Variants in ADAM22 observed in about 807,000 individuals in gnomAD.
ADAM22 encodes the protein disintegrin and metalloproteinase domain-containing protein 22.
In ADAM22, 65 loss-of-function variants were observed where a neutral mutation model predicts 144.6. That is an observed-to-expected ratio of 0.45 (90% CI 0.37 to 0.55). The LOEUF is 0.55. Among genes scored for constraint, ADAM22 ranks in the 20% least tolerant of loss-of-function variants. ADAM22 has a pLI of 0.00. For missense variants in ADAM22, 974 were observed against 1,184.9 expected, an observed-to-expected ratio of 0.82 and a Z score of 2.61; for synonymous variants, 391 against 412.6, an observed-to-expected ratio of 0.95 and a Z score of 0.63.
At chr7:88,137,922 G>A (rs1833415117) in intron 14 of ADAM22, among the ~76,000 whole-genome samples, 1 of 152,162 alleles carries the variant, frequency 6.6e-6, no homozygotes, top group African/African-American at 2.4e-5. Context: ...GAGAGGCTGA[G>A]GCAGGCAGAT....
intron 3 of ADAM22, among the ~76,000 whole-genome samples, chr7:87,997,060 A>G (rs569420290): frequency 1.3e-5 from 2 of 152,284 alleles, no homozygotes; most frequent in African/African-American, 4.8e-5. Flanking sequence ...GAACTGTTTA[A>G]CTCTGAAAAC....
At chr7:88,118,766 C>A (rs567465059) in intron 7 of ADAM22, among the ~76,000 whole-genome samples, 2 of 151,448 alleles carry the variant, frequency 1.3e-5, no homozygotes, top group East Asian at 3.9e-4. Flanking sequence ...GATTTTTAGA[C>A]ACATTCTTTA....
At chr7:88,089,719 A>G (rs940242474) in intron 4 of ADAM22, among the ~76,000 whole-genome samples, 1 of 152,180 alleles carries the variant, frequency 6.6e-6, no homozygotes, top group Non-Finnish European at 1.5e-5. Context: ...GGCTTTAGAA[A>G]TGATGTTTTT....
rs1322235311 is a variant in ADAM22, at chr7:87,954,681, T to C, written c.246+19495T>C. Among the ~76,000 whole-genome samples, 6 of 152,146 alleles carry C rather than the reference T, an allele frequency of 3.9e-5. No individual in the cohort carries two copies. The East Asian group carries it at 7.7e-4, about 20-fold the overall frequency. ...ATTCTCTGTATTTCCTGAATCTGAA[T>C]GTTGGCCTGCCTTGCTAGATTGGGG... On this transcript the variant is annotated intron_variant, in intron 2 of 31. Coordinates refer to ENST00000413139, the MANE Select transcript of ADAM22 (RefSeq NM_001324418.2).
intron 3 of ADAM22, among the ~76,000 whole-genome samples, chr7:88,024,399 A>C (rs535570500): frequency 6.6e-6 from 1 of 152,292 alleles, no homozygotes; most frequent in South Asian, 2.1e-4. Context: ...GGGTGAGATG[A>C]TACCTCATTG....
At chr7:88,176,318 T>C (rs1283081142) in intron 26 of ADAM22, among the ~76,000 whole-genome samples, 1 of 152,234 alleles carries the variant, frequency 6.6e-6, no homozygotes, top group Non-Finnish European at 1.5e-5. Context: ...ATGCATTCCT[T>C]ATGGAATTTT....
At chr7:87,967,676 C>T (rs1257870615) in intron 2 of ADAM22, among the ~76,000 whole-genome samples, 3 of 151,732 alleles carry the variant, frequency 2.0e-5, no homozygotes, top group Admixed American at 6.6e-5. Flanking sequence ...GGTATGGTGG[C>T]GTGTGCCTGT....
At chr7:87,976,363 T>C (rs555341740) in intron 2 of ADAM22, among the ~76,000 whole-genome samples, 108 of 152,308 alleles carry the variant, frequency 7.1e-4, no homozygotes, top group African/African-American at 2.5e-3. Context: ...CCAATATGAC[T>C]GGTGTCCTTA....
At chr7:88,037,179 A>T (rs1056586869) in intron 3 of ADAM22, among the ~76,000 whole-genome samples, 2 of 152,154 alleles carry the variant, frequency 1.3e-5, no homozygotes, top group Non-Finnish European at 2.9e-5. Flanking sequence ...ATTCTAAGTA[A>T]TGGAATTAGT....
intron 4 of ADAM22, among the ~76,000 whole-genome samples, chr7:88,107,499 C>T (rs928823557): frequency 6.6e-6 from 1 of 152,074 alleles, no homozygotes. Flanking sequence ...CTGCACCTGG[C>T]CCATGGTTGA....
Position 88,172,270 on chromosome 7 carries a change from A to C in ADAM22, c.2300+709A>C, listed in dbSNP as rs114207327. ...CTATAACAATTGCCTATTTTATCTG[A>C]ATCTAAATTAGCACATAATATTGGA... On this transcript the variant is annotated intron_variant, in intron 26 of 31. Transcript: ENST00000413139. Among the ~76,000 whole-genome samples the C allele has an allele frequency of 8.0e-3, 1,215 of 152,030 alleles. 19 individuals carry two copies. Among genetic ancestry groups the C allele is most frequent in the African/African-American group, 0.028 (1,153 of 41,542 alleles).
chr7:88,113,703 A>ATATATAAATATATATATAT (rs1554478728), intron 5 of ADAM22, among the ~76,000 whole-genome samples: 1 of 48,106 alleles, frequency 2.1e-5, no homozygotes, highest in Admixed American at 2.8e-4. Context: ...TAAATAAATA[A>ATATATAAATATATATATAT]ATATATATAT....
intron 3 of ADAM22, among the ~76,000 whole-genome samples, chr7:87,992,905 C>T (rs1289607318): frequency 2.0e-5 from 3 of 152,058 alleles, no homozygotes; most frequent in East Asian, 1.9e-4. Context: ...TCAGAGGTCT[C>T]GTTGGCTAGA....
chr7:88,000,522 T>C (rs1428946928), intron 3 of ADAM22, among the ~76,000 whole-genome samples: 1 of 152,172 alleles, frequency 6.6e-6, no homozygotes, highest in Non-Finnish European at 1.5e-5. Flanking sequence ...AAATATGAAG[T>C]AAAGACTAGT....
chr7:88,139,674 A>G (rs1171187838), intron 14 of ADAM22, among the ~76,000 whole-genome samples: 3 of 152,068 alleles, frequency 2.0e-5, no homozygotes, highest in Admixed American at 6.5e-5. Context: ...AATGAAAGGG[A>G]TTTTATTACT....
intron 2 of ADAM22, among the ~76,000 whole-genome samples, chr7:87,967,871 G>A (rs1849528899): frequency 6.7e-6 from 1 of 150,148 alleles, no homozygotes; most frequent in African/African-American, 2.5e-5. Flanking sequence ...GTGCCAAGGT[G>A]CTTACAGAGA....
chr7:88,054,932 G>A (rs9969132), intron 3 of ADAM22, among the ~76,000 whole-genome samples: 4,505 of 151,632 alleles, frequency 0.03, 217 homozygotes, highest in African/African-American at 0.1. Context: ...TCAACAATTC[G>A]TTGTTTTAAA....
intron 18 of ADAM22, among the ~76,000 whole-genome samples, chr7:88,149,663 T>G (rs1195588293): frequency 6.6e-6 from 1 of 152,166 alleles, no homozygotes; most frequent in Non-Finnish European, 1.5e-5. Flanking sequence ...CTATGCAAAG[T>G]CATTTTAATA....
At position 88,168,113 on chromosome 7, in the gene ADAM22, CTTCT is replaced by C. The variant is rs762199921; in HGVS notation, c.2192-17_2192-14del. 3 of 1,603,868 alleles carry C rather than the reference CTTCT, an allele frequency of 1.9e-6. No homozygotes were observed. Among genetic ancestry groups the C allele is most frequent in the Non-Finnish European group, 2.6e-6 (3 of 1,172,626 alleles). On this transcript the variant is annotated intron_variant, in intron 24 of 31. Coordinates refer to ENST00000413139, the MANE Select transcript of ADAM22 (RefSeq NM_001324418.2). Reference sequence around the variant, plus strand: ...AAAGGATTTTATACCACTGATCTTCCTTCTTTCTTTTTTTTCCTCTCAGGTGTTG... The same window carrying C: ...AAAGGATTTTATACCACTGATCTTCCTTCTTTTTTTTCCTCTCAGGTGTTG...
Sources: allele counts gnomAD v4.1 joint callset (sites outside exome capture counted in the v4.1 genomes callset), GRCh38; gene constraint gnomAD v4.1.1; transcripts MANE v1.5; gene names NCBI Gene and HGNC (gene_info 2026-07-23, HGNC 2026-07-21).